The following HEATR1 variants were observed in gnomAD, a reference collection of about 807,000 sequenced individuals.
HEATR1 encodes HEAT repeat containing 1.
In HEATR1, 77 loss-of-function variants were observed where a neutral mutation model predicts 248.2. That is an observed-to-expected ratio of 0.31 (90% CI 0.26 to 0.37). The LOEUF is 0.37. HEATR1 is among the 10% of genes least tolerant of loss of function. HEATR1 has a pLI of 1.00. For synonymous variants in HEATR1, 897 were observed against 923.1 expected (o/e 0.97, Z 0.51); for missense variants, 2,420 against 2,504.9 (o/e 0.97, Z 0.72).
chr1:236,556,804 A>G (rs1479473705), intron 37 of HEATR1, among the ~76,000 whole-genome samples: 1 of 152,206 alleles, frequency 6.6e-6, no homozygotes, highest in South Asian at 2.1e-4. Context: ...GACGTGCAAT[A>G]CAAAAATTCT....
Position 236,586,122 on chromosome 1 carries a change from CA to C in HEATR1, c.1927+118del, listed in dbSNP as rs1663877910. On this transcript the variant is annotated intron_variant, in intron 15 of 44. Transcript: ENST00000366582. ...TTTCACTGTATACTTTTTATCTTGG[CA>C]AAAATTTTAAAAGACCTTACTGGCA... The C allele has an allele frequency of 2.4e-6, 3 of 1,239,236 alleles. No individual in the cohort carries two copies. The East Asian group carries it at 7.7e-5, about 32-fold the overall frequency. The allele number at this position is 1,239,236 out of a possible 1,614,324, so 76.8% of individuals were successfully genotyped here.
chr1:236,561,559 G>A (rs1360610030), intron 32 of HEATR1, among the ~76,000 whole-genome samples: 1 of 152,148 alleles, frequency 6.6e-6, no homozygotes, highest in African/African-American at 2.4e-5. Flanking sequence ...ATGACATGCT[G>A]AGCTGGTGAG....
In HEATR1 at chr1:236,554,807, T is replaced by TC. The variant is rs1662907785; in HGVS notation, c.5924-56dup. 4 of 1,430,584 alleles carry TC rather than the reference T, an allele frequency of 2.8e-6. No homozygotes were observed. The Admixed American group carries it at 8.6e-5, about 31-fold the overall frequency. 88.6% of individuals were successfully genotyped at this position (1,430,584 alleles called of 1,614,324 possible). ...AAACACTGAACTTAACCATTTAATC[T>TC]CCAATGTTTACATTGAAATCACTAT... is the stretch of plus-strand genomic sequence containing the variant. On this transcript the variant is annotated intron_variant, in intron 41 of 44. Coordinates refer to ENST00000366582, the MANE Select transcript of HEATR1 (RefSeq NM_018072.6).
Position 236,574,311 on chromosome 1 carries a change from G to T in HEATR1, c.3350C>A (p.Ala1117Asp), listed in dbSNP as rs780352052. 1.4e-5 allele frequency: 23 copies of T among 1,608,554 alleles called. No individual in the cohort carries two copies. Among genetic ancestry groups the T allele is most frequent in the Non-Finnish European group, 1.9e-5 (22 of 1,178,292 alleles). ...LEKITKPFFA[A>D]ISDEKVQQKL... ...CTGCTGAACTTTTTCATCTGATATG[G>T]CTGCAAAAAATGGTTTTGTAATCTA... Residue 1117 changes from alanine (A) to aspartate (D), a missense_variant, in exon 24 of 45, where the codon GCC becomes GAC. By Grantham distance (126) the Ala-to-Asp change is moderately radical (BLOSUM62 -2). Coordinates refer to ENST00000366582, the MANE Select transcript of HEATR1 (RefSeq NM_018072.6).
intron 41 of HEATR1, 59 bp downstream of exon 41, chr1:236,555,237 G>A: frequency 1.9e-6 from 3 of 1,550,228 alleles, no homozygotes; most frequent in Non-Finnish European, 2.6e-6. Flanking sequence ...GTGTCTTACT[G>A]GTACCTTGTA....
rs186134028 is a variant in HEATR1, at chr1:236,556,891, G to A, written c.5355+304C>T. 1.7e-3 allele frequency among the ~76,000 whole-genome samples: 257 copies of A among 152,128 alleles called. 1 individual carries two copies. Among genetic ancestry groups the A allele is most frequent in the African/African-American group, 5.9e-3 (244 of 41,486 alleles). On this transcript the variant is annotated intron_variant, in intron 37 of 44. Coordinates refer to ENST00000366582, the MANE Select transcript of HEATR1 (RefSeq NM_018072.6). ...TCAATTTCCACAAGTAATAAAAGGC[G>A]GCTCTACCAGCCCAACTCCAAAGAT...
In HEATR1 at chr1:236,588,048, G is replaced by A. The variant is rs766310778; in HGVS notation, c.1531-5C>T. The A allele has an allele frequency of 6.2e-7, 1 of 1,600,954 alleles. No individual in the cohort carries two copies. Among genetic ancestry groups the A allele is most frequent in the South Asian group, 1.1e-5 (1 of 89,026 alleles). On this transcript the variant is annotated splice_polypyrimidine_tract_variant and splice_region_variant and intron_variant, in intron 12 of 44. Coordinates refer to ENST00000366582, the MANE Select transcript of HEATR1 (RefSeq NM_018072.6). ...GAAAGATTCATCAACACCCTCCTGA[G>A]CAATAAAAGAAAAACATTAATTTAG... is the stretch of plus-strand genomic sequence containing the variant.
intron 16 of HEATR1, among the ~76,000 whole-genome samples, 199 bp downstream of exon 16, chr1:236,585,621 T>C (rs751614783): frequency 2.0e-5 from 3 of 152,090 alleles, no homozygotes; most frequent in African/African-American, 2.4e-5. Flanking sequence ...TGGATCCACA[T>C]TGAAAAAATA....
rs779489345 is a variant in HEATR1 at position 236,594,024 on chromosome 1, T to C, written c.1181A>G (p.His394Arg). 1.3e-6 allele frequency: 2 copies of C among 1,580,164 alleles called. No homozygotes were observed. Among genetic ancestry groups the C allele is most frequent in the East Asian group, 2.3e-5 (1 of 43,310 alleles). ...AATAATAGCTTACCTAGCCAACAAA[T>C]GGTCTAAGTTGTTCTTCAGTGATAT... ...TKISLKNNLD[H>R]LLASLLFEEY... is the part of the protein sequence containing the mutation. Residue 394 changes from histidine (H) to arginine (R), a missense_variant, in exon 9 of 45, where the codon CAT (histidine) becomes CGT (arginine). Physicochemically the swap from His to Arg is conservative, Grantham distance 29. Transcript: ENST00000366582.
chr1:236,557,455 A>G, intron 36 of HEATR1, 110 bp from the exon 37 acceptor site: 1 of 1,122,410 alleles, frequency 8.9e-7, no homozygotes, highest in Non-Finnish European at 1.3e-6. Flanking sequence ...TTACATCGCT[A>G]TCTGCTTCAT....
chr1:236,594,462 A>C (rs986707455), intron 8 of HEATR1, among the ~76,000 whole-genome samples: 32 of 152,210 alleles, frequency 2.1e-4, no homozygotes, highest in African/African-American at 6.8e-4. Context: ...AAGAGGTTAA[A>C]CTTTTATCTC....
chr1:236,571,642 G>C lies in HEATR1; in HGVS notation c.3752C>G (p.Thr1251Ser). ...LPQEQGNMEY[T>S]KQLILSCLLN... ...CAGACAACTAAGAATTAATTGTTTG[G>C]TGTATTCCATATTTCCCTGCTCTTG... The change falls in exon 27 of 45, where the codon ACC becomes AGC. Residue 1251 changes from threonine (T) to serine (S), a missense_variant. Coordinates refer to ENST00000366582, the MANE Select transcript of HEATR1 (RefSeq NM_018072.6). 2 of 1,614,052 alleles carry C rather than the reference G, an allele frequency of 1.2e-6. No homozygotes were observed. Among genetic ancestry groups the C allele is most frequent in the East Asian group, 2.2e-5 (1 of 44,884 alleles).
At chr1:236,577,949 T>C (rs186373289) in intron 20 of HEATR1, among the ~76,000 whole-genome samples, 1 of 152,304 alleles carries the variant, frequency 6.6e-6, no homozygotes, top group Admixed American at 6.5e-5. Flanking sequence ...CACGGGAAAT[T>C]ACCCACCTGT....
chr1:236,588,070 T>A (rs768056149), intron 12 of HEATR1, 27 bp from the exon 13 acceptor site: 1 of 1,563,290 alleles, frequency 6.4e-7, no homozygotes, highest in Admixed American at 1.8e-5. Flanking sequence ...AAACATTAAT[T>A]TAGCTGTTGC....
At position 236,596,996 on chromosome 1, in the gene HEATR1, C is replaced by A; in HGVS notation, c.604-20G>T. On this transcript the variant is annotated intron_variant, in intron 5 of 44. Transcript: ENST00000366582. ...AAAAACCTGAAACAAGGAACACAAA[C>A]AAAACACATTTAACAGTGAAAGGGA... 1 of 1,607,642 alleles carries A rather than the reference C, an allele frequency of 6.2e-7. No homozygotes were observed. The highest frequency in any genetic ancestry group is 8.5e-7 in the Non-Finnish European group (1 of 1,177,944).
chr1:236,555,415 G>A lies in HEATR1; in HGVS notation c.5804C>T (p.Thr1935Ile). ...AATGCAATCTGCCAAGTTGTAAAAT[G>A]TCAACAACCTGTCCTTTGGGGCATC... The part of the protein sequence containing the change: ...TEDAPKDRLL[T>I]FYNLADCIAE... The change falls in exon 41 of 45, where the codon ACA (threonine) becomes ATA (isoleucine). Residue 1935 changes from threonine (T) to isoleucine (I), a missense_variant. Physicochemically the swap from Thr to Ile is moderately conservative, Grantham distance 89. Coordinates refer to ENST00000366582, the MANE Select transcript of HEATR1 (RefSeq NM_018072.6). 6.2e-7 allele frequency: 1 copy of A among 1,614,222 alleles called. No homozygotes were observed. Among genetic ancestry groups the A allele is most frequent in the Non-Finnish European group, 8.5e-7 (1 of 1,180,028 alleles).
At chr1:236,591,080 AAAAC>A (rs1446881544) in intron 11 of HEATR1, 126 bp from the exon 12 acceptor site, 3 of 420,684 alleles carry the variant, frequency 7.1e-6, no homozygotes, top group East Asian at 3.6e-5. Flanking sequence ...CTAACTACAG[AAAAC>A]AAACAAAAAA....
chr1:236,557,669 A>T (rs1663014130), intron 36 of HEATR1, among the ~76,000 whole-genome samples: 1 of 152,248 alleles, frequency 6.6e-6, no homozygotes, highest in Non-Finnish European at 1.5e-5. Context: ...TCTGTTTTAT[A>T]GACAGCAAAG....
chr1:236,563,338 T>C (rs6687973), intron 32 of HEATR1, among the ~76,000 whole-genome samples: 4,627 of 152,150 alleles, frequency 0.03, 76 homozygotes, highest in Middle Eastern at 0.054. Context: ...GTGGAATGCA[T>C]TGGCTCGATC....
Sources: gnomAD v4.1 joint callset for allele counts (sites outside exome capture counted in the v4.1 genomes callset) on GRCh38, gnomAD v4.1.1 for gene constraint, MANE v1.5 for transcripts, NCBI Gene and HGNC (gene_info 2026-07-23, HGNC 2026-07-21) for gene names.